Variants in VWA8 observed in about 807,000 individuals in gnomAD.
VWA8 encodes the protein von Willebrand factor A domain-containing protein 8.
Under a neutral mutation model 241.5 loss-of-function variants are expected in VWA8, and 221 were observed. The ratio of observed to expected loss-of-function variants is 0.91; its 90% CI spans 0.82 to 1.02. The LOEUF is 1.02. Ranked by LOEUF, VWA8 falls within the 50% of genes least tolerant of loss-of-function variation. The pLI is 0.00. For missense variants in VWA8, 2,322 were observed against 2,328.7 expected (o/e 1.00, Z 0.06); for synonymous variants, 852 against 827.1 (o/e 1.03, Z -0.52).
chr13:41,572,280 T>C (rs775576826), intron 43 of VWA8, among the ~76,000 whole-genome samples: 3 of 152,128 alleles, frequency 2.0e-5, no homozygotes, highest in Admixed American at 6.5e-5. Context: ...TCTGCCAGGC[T>C]GCCACCCCGT....
At chr13:41,649,996 T>C (rs983769418) in intron 37 of VWA8, among the ~76,000 whole-genome samples, 2 of 152,196 alleles carry the variant, frequency 1.3e-5, no homozygotes, top group African/African-American at 4.8e-5. Context: ...GAACCTAGTA[T>C]TAGCCCCTCC....
At chr13:41,645,482 T>A (rs74049537) in intron 37 of VWA8, among the ~76,000 whole-genome samples, 352 of 152,328 alleles carry the variant, frequency 2.3e-3, no homozygotes, top group African/African-American at 7.8e-3. Context: ...ATATTACAAA[T>A]ACCAAACTGA....
At chr13:41,612,382 A>C (rs2044594581) in intron 38 of VWA8, among the ~76,000 whole-genome samples, 1 of 152,234 alleles carries the variant, frequency 6.6e-6, no homozygotes, top group African/African-American at 2.4e-5. Context: ...TCAGCTTTAG[A>C]ACAGTCTTTC....
At chr13:41,730,735 T>A (rs1000692121) in intron 22 of VWA8, among the ~76,000 whole-genome samples, 4 of 152,038 alleles carry the variant, frequency 2.6e-5, no homozygotes, top group African/African-American at 7.2e-5. Flanking sequence ...TCAAGATTTT[T>A]AAAAAAATAG....
chr13:41,879,374 TACACACATAC>T lies in VWA8; in HGVS notation c.1080+4003_1080+4012del, dbSNP rs1338831123. Among the ~76,000 whole-genome samples, 40 of 97,498 alleles carry T rather than the reference TACACACATAC, an allele frequency of 4.1e-4. No individual in the cohort carries two copies. The South Asian group carries it at 0.017, about 42-fold the overall frequency. The allele number at this position is 97,498 out of a possible 152,430, so 64.0% of individuals were successfully genotyped here. On this transcript the variant is annotated intron_variant, in intron 9 of 44. Transcript: ENST00000379310. ...CTACTCTTCCTCTCTCTCTCATACA[TACACACATAC>T]ACACACACACACACACACACACACA...
chr13:41,593,364 A>T (rs1475752076), intron 40 of VWA8, among the ~76,000 whole-genome samples: 2 of 152,196 alleles, frequency 1.3e-5, no homozygotes, highest in Admixed American at 6.5e-5. Context: ...TCTTGGCAAG[A>T]ATCCCATGAT....
rs539999089 is a variant in VWA8, at chr13:41,730,700, T to C, written c.2503-1023A>G. Among the ~76,000 whole-genome samples the C allele has an allele frequency of 3.7e-4, 56 of 152,158 alleles. 1 individual carries two copies. In the South Asian group the frequency reaches 0.011, roughly 30 times the overall value. On this transcript the variant is annotated intron_variant, in intron 22 of 44. Transcript: ENST00000379310. ...TTTTTGAGGGGTGGATAAAAGAAGA[T>C]ATCCAATGAATTTAAGTGAAAATCT...
At chr13:41,759,554 T>C (rs2045724978) in intron 21 of VWA8, among the ~76,000 whole-genome samples, 2 of 151,686 alleles carry the variant, frequency 1.3e-5, no homozygotes, top group African/African-American at 4.8e-5. Context: ...CAATTGTGTG[T>C]ATGTGAAGCT....
In VWA8 at chr13:41,834,199, A is replaced by G. The variant is rs902940382; in HGVS notation, c.1426-668T>C. Among the ~76,000 whole-genome samples the G allele has an allele frequency of 3.3e-5, 5 of 152,268 alleles. No individual in the cohort carries two copies. The East Asian group carries it at 9.6e-4, about 29-fold the overall frequency. Reference sequence around the variant, plus strand: ...ACAATAAAATAGTGTAACAGACTTAAGCAAACTATTAATAGTTGTGGCATA... The same window carrying G: ...ACAATAAAATAGTGTAACAGACTTAGGCAAACTATTAATAGTTGTGGCATA... On this transcript the variant is annotated intron_variant, in intron 12 of 44. Transcript: ENST00000379310.
chr13:41,851,695 A>G (rs774776054), intron 12 of VWA8, among the ~76,000 whole-genome samples: 2 of 152,152 alleles, frequency 1.3e-5, no homozygotes, highest in Admixed American at 6.5e-5. Context: ...TATAAGTTCA[A>G]TTAAACCTTT....
intron 44 of VWA8, among the ~76,000 whole-genome samples, chr13:41,569,534 AAG>A (rs1674988143): frequency 6.6e-6 from 1 of 152,344 alleles, no homozygotes; most frequent in Admixed American, 6.5e-5. Flanking sequence ...AGGGAATAGA[AAG>A]AGAAAAAGCT....
At chr13:41,576,755 A>G (rs575321960) in intron 42 of VWA8, among the ~76,000 whole-genome samples, 4 of 152,252 alleles carry the variant, frequency 2.6e-5, no homozygotes, top group Non-Finnish European at 5.9e-5. Context: ...TTGATAAAAT[A>G]TACGTTATAA....
intron 29 of VWA8, among the ~76,000 whole-genome samples, chr13:41,694,793 A>G (rs1041609990): frequency 3.3e-5 from 5 of 152,190 alleles, no homozygotes; most frequent in African/African-American, 1.2e-4. Context: ...AACAAATATG[A>G]TCAAGCAGAA....
intron 12 of VWA8, among the ~76,000 whole-genome samples, chr13:41,841,942 A>T (rs1198805205): frequency 6.8e-6 from 1 of 146,740 alleles, no homozygotes; most frequent in Non-Finnish European, 1.5e-5. Flanking sequence ...AACTAGCTGA[A>T]TTTCTGTAGG....
chr13:41,803,325 A>G (rs1047379074), intron 17 of VWA8, among the ~76,000 whole-genome samples: 4 of 152,222 alleles, frequency 2.6e-5, no homozygotes, highest in African/African-American at 7.2e-5. Context: ...CCAAACAATC[A>G]AATAAGGCAC....
intron 24 of VWA8, among the ~76,000 whole-genome samples, chr13:41,725,384 G>T (rs993308200): frequency 7.2e-5 from 11 of 152,126 alleles, no homozygotes; most frequent in Non-Finnish European, 1.5e-5. Flanking sequence ...AAGGACAATT[G>T]AGGACAGAAT....
chr13:41,829,113 C>A (rs897554631), intron 14 of VWA8, among the ~76,000 whole-genome samples: 1 of 152,114 alleles, frequency 6.6e-6, no homozygotes, highest in Non-Finnish European at 1.5e-5. Flanking sequence ...GGAAAGATTA[C>A]CTTCTTAAAA....
intron 37 of VWA8, among the ~76,000 whole-genome samples, chr13:41,626,042 T>C (rs1361015550): frequency 4.7e-5 from 6 of 127,444 alleles, no homozygotes. Flanking sequence ...TGAGAACACA[T>C]GGACACAGGA....
intron 12 of VWA8, among the ~76,000 whole-genome samples, chr13:41,859,063 CA>C (rs1872887695): frequency 7.3e-6 from 1 of 137,340 alleles, no homozygotes; most frequent in South Asian, 2.4e-4. Context: ...GTGGACAGAG[CA>C]AAAACCTGTC....
Sources: allele counts gnomAD v4.1 joint callset (sites outside exome capture counted in the v4.1 genomes callset), GRCh38; gene constraint gnomAD v4.1.1; transcripts MANE v1.5; gene names NCBI Gene and HGNC (gene_info 2026-07-23, HGNC 2026-07-21).